IGFL2: variants seen among roughly 807,000 people sequenced by gnomAD.
IGFL2 encodes the protein insulin growth factor-like family member 2.
A neutral mutation model predicts 13.9 loss-of-function variants in IGFL2; 7 were observed. The ratio of observed to expected loss-of-function variants is 0.51; its 90% confidence interval spans 0.29 to 0.95. The LOEUF is 0.95. Among genes scored for constraint, IGFL2 ranks in the 40% least tolerant of loss-of-function variants. The pLI is 0.08. For synonymous variants in IGFL2, 55 were observed against 55.8 expected (o/e 0.99, Z 0.07); for missense variants, 138 against 147.8 (o/e 0.93, Z 0.34).
chr19:46,176,000 G>A, the IGFL2 span, among the ~76,000 whole-genome samples: 2 of 132,112 alleles, frequency 1.5e-5, no homozygotes, highest in Non-Finnish European at 3.2e-5. Context: ...ATGCCACTAC[G>A]CCCGACTAAT....
chr19:46,124,533 T>A, the IGFL2 span: 1 of 1,295,952 alleles, frequency 7.7e-7, no homozygotes, highest in African/African-American at 1.5e-5. Context: ...GCTGGAATAA[T>A]GTTAGAGATA....
At chr19:46,170,732 GT>G in the IGFL2 span, among the ~76,000 whole-genome samples, 1 of 152,158 alleles carries the variant, frequency 6.6e-6, no homozygotes, top group Non-Finnish European at 1.5e-5. Context: ...GCCTTATGCA[GT>G]TGCAGATAAG....
chr19:46,102,099 T>TGAA, the IGFL2 span, among the ~76,000 whole-genome samples: 12 of 152,328 alleles, frequency 7.9e-5, no homozygotes, highest in East Asian at 2.3e-3. Context: ...AAATTTTCCC[T>TGAA]GTGTCTTTAG....
the IGFL2 span, among the ~76,000 whole-genome samples, chr19:46,122,015 C>T: frequency 6.6e-6 from 1 of 151,146 alleles, no homozygotes; most frequent in South Asian, 2.1e-4. Flanking sequence ...CAAATGACTT[C>T]ATCTATCTTT....
chr19:46,145,983 A>T (rs1396676611), upstream of IGFL2, among the ~76,000 whole-genome samples: 1 of 152,164 alleles, frequency 6.6e-6, no homozygotes, highest in Non-Finnish European at 1.5e-5. Flanking sequence ...TAACTTTAAA[A>T]TTTTGATAAG....
intron 1 of IGFL2, among the ~76,000 whole-genome samples, chr19:46,151,249 C>T (rs1192933493): frequency 6.6e-6 from 1 of 152,184 alleles, no homozygotes; most frequent in East Asian, 1.9e-4. Context: ...GTCTGTGATA[C>T]ATTTTGAGTT....
chr19:46,102,666 G>A, the IGFL2 span, among the ~76,000 whole-genome samples: 3 of 152,180 alleles, frequency 2.0e-5, no homozygotes, highest in South Asian at 6.2e-4. Context: ...CACTTCTTTT[G>A]TGAATCTTAA....
chr19:46,124,752 A>G, the IGFL2 span: 1 of 986,838 alleles, frequency 1.0e-6, no homozygotes, highest in South Asian at 1.3e-5. Flanking sequence ...AAGTTTACTG[A>G]TTGGATGGCT....
At chr19:46,183,661 G>A in the IGFL2 span, among the ~76,000 whole-genome samples, 9 of 151,770 alleles carry the variant, frequency 5.9e-5, no homozygotes, top group Admixed American at 6.6e-5. Flanking sequence ...TCAGCCTTCC[G>A]AGTAGCTGGG....
At chr19:46,115,166 C>T in the IGFL2 span, among the ~76,000 whole-genome samples, 7 of 152,132 alleles carry the variant, frequency 4.6e-5, no homozygotes, top group African/African-American at 1.4e-4. Flanking sequence ...AAATACCTAA[C>T]TATCCCCACT....
At chr19:46,140,345 A>T (rs1474854976), upstream of IGFL2, among the ~76,000 whole-genome samples, 1 of 152,126 alleles carries the variant, frequency 6.6e-6, no homozygotes, top group African/African-American at 2.4e-5. Context: ...GTTAGGTCAT[A>T]AAGAAAGTCT....
At chr19:46,154,584 C>T (rs1973706323) in intron 1 of IGFL2, among the ~76,000 whole-genome samples, 1 of 152,118 alleles carries the variant, frequency 6.6e-6, no homozygotes, top group Non-Finnish European at 1.5e-5. Context: ...GCTGGAACTA[C>T]AGGCACCCAC....
chr19:46,088,267 T>C, the IGFL2 span, among the ~76,000 whole-genome samples: 3 of 152,242 alleles, frequency 2.0e-5, no homozygotes, highest in Non-Finnish European at 4.4e-5. Context: ...CCAGTGCATC[T>C]AGTCAGCTGT....
the IGFL2 span, among the ~76,000 whole-genome samples, chr19:46,167,934 A>C: frequency 6.6e-6 from 1 of 152,192 alleles, no homozygotes; most frequent in Non-Finnish European, 1.5e-5. Flanking sequence ...AGAGTGTGAG[A>C]AAATTAACTT....
the IGFL2 span, among the ~76,000 whole-genome samples, chr19:46,107,257 C>G: frequency 1.7e-4 from 26 of 152,200 alleles, 1 homozygote; most frequent in African/African-American, 4.8e-4. Context: ...TAAGAGTTAC[C>G]TAAAGCTGTG....
the IGFL2 span, among the ~76,000 whole-genome samples, chr19:46,177,485 C>G: frequency 6.6e-6 from 1 of 151,804 alleles, no homozygotes; most frequent in African/African-American, 2.4e-5. Flanking sequence ...TATATATATA[C>G]GCATTATATA....
At chr19:46,199,897 A>G in the IGFL2 span, among the ~76,000 whole-genome samples, 1 of 152,198 alleles carries the variant, frequency 6.6e-6, no homozygotes, top group East Asian at 1.9e-4. Flanking sequence ...TTTTTAATTG[A>G]GACGGAGTCT....
chr19:46,127,392 A>G, the IGFL2 span, among the ~76,000 whole-genome samples: 1 of 152,176 alleles, frequency 6.6e-6, no homozygotes, highest in Non-Finnish European at 1.5e-5. Flanking sequence ...GAGAATAAGA[A>G]AGAAAGAACA....
At chr19:46,197,325 G>T in the IGFL2 span, 1 of 176,606 alleles carries the variant, frequency 5.7e-6, no homozygotes. Flanking sequence ...GGGTCCTGGG[G>T]GGCTGCATGC....
Sources: gnomAD v4.1 joint callset for allele counts (sites outside exome capture counted in the v4.1 genomes callset) on GRCh38, gnomAD v4.1.1 for gene constraint, MANE v1.5 for transcripts, NCBI Gene and HGNC (gene_info 2026-07-23, HGNC 2026-07-21) for gene names.